C1orf232: variants seen among roughly 807,000 people sequenced by gnomAD.
The protein encoded by C1orf232 is uncharacterized protein C1orf232.
In C1orf232, 10 loss-of-function variants were observed where a neutral mutation model predicts 12.1. The observed-to-expected ratio is 0.82, with a 90% CI of 0.51 to 1.40. The LOEUF (loss-of-function observed/expected upper bound fraction) is 1.40, where lower values mean the gene tolerates loss of function less well. C1orf232 is among the 40% of genes most tolerant of loss of function. C1orf232 has a pLI of 0.00. For missense variants in C1orf232, 88 were observed against 98.4 expected (o/e 0.89, Z 0.45); for synonymous variants, 36 against 39.8 (o/e 0.90, Z 0.36).
At chr1:26,166,664 A>G (rs1267169086) in intron 1 of C1orf232, among the ~76,000 whole-genome samples, 1 of 152,142 alleles carries the variant, frequency 6.6e-6, no homozygotes, top group Non-Finnish European at 1.5e-5. Context: ...ACACATCCAT[A>G]TACACCCAAA....
rs1364142202 is a variant in C1orf232, at chr1:26,168,841, ATCT to A, written c.-345_-343del. Among the ~76,000 whole-genome samples, 5 of 152,258 alleles carry A rather than the reference ATCT, an allele frequency of 3.3e-5. No individual in the cohort carries two copies. The highest frequency in any genetic ancestry group is 4.2e-4 in the South Asian group (2 of 4,818). On this transcript the variant is annotated 5_prime_UTR_variant, in exon 1 of 4. Transcript: ENST00000634842. ...CATCTCTTAGCATGCCTCCAGGAAA[ATCT>A]TCTTCCATTCACAAAATCCTGAGGT...
At chr1:26,166,236 C>T (rs1026080244) in intron 1 of C1orf232, 118 bp from the exon 2 acceptor site, 2 of 565,596 alleles carry the variant, frequency 3.5e-6, no homozygotes, top group African/African-American at 3.9e-5. Flanking sequence ...GAACTAAACA[C>T]ACACCTATAC....
rs1450828425 is a variant in C1orf232 at position 26,164,512 on chromosome 1, G to A, written c.267-57C>T. On this transcript the variant is annotated intron_variant, in intron 3 of 3. Coordinates refer to ENST00000634842, the MANE Select transcript of C1orf232 (RefSeq NM_001364669.2). The surrounding 1 kb of genome is among the most constrained non-coding windows in gnomAD (Gnocchi z 4.2). ...CCGGGCGGTCCCGCGGAGGAACATC[G>A]GCTGGGCTGACGGAGGAGTTTAGTG... 5.4e-6 allele frequency: 2 copies of A among 370,868 alleles called. No individual in the cohort carries two copies. Among genetic ancestry groups the A allele is most frequent in the Non-Finnish European group, 9.6e-6 (2 of 208,240 alleles). The allele number at this position is 370,868 out of a possible 1,614,324, so 23.0% of individuals were successfully genotyped here. A position where few individuals can be genotyped will look rare whatever the true frequency, so the allele number is the denominator to read the frequency against.
chr1:26,165,907 A>G lies in C1orf232; in HGVS notation c.185T>C (p.Val62Ala). The G allele has an allele frequency of 8.1e-7, 1 of 1,231,654 alleles. No individual in the cohort carries two copies. The highest frequency in any genetic ancestry group is 1.0e-6 in the Non-Finnish European group (1 of 987,990). The allele number at this position is 1,231,654 out of a possible 1,614,324, so 76.3% of individuals were successfully genotyped here. Residue 62 changes from valine (V) to alanine (A), a missense_variant, in exon 3 of 4, where the codon GTG (valine) becomes GCG (alanine). Val to Ala is a moderately conservative substitution (Grantham distance 64). Transcript: ENST00000634842. ...QLARRVQGVG[V>A]KGWLTMSSLF... Reference sequence around the variant, plus strand: ...AGATGACATTGTCAGCCAGCCTTTCACCCCGACCCCCTGAACCTGGGAAAG... The same window carrying G: ...AGATGACATTGTCAGCCAGCCTTTCGCCCCGACCCCCTGAACCTGGGAAAG...
At position 26,165,691 on chromosome 1, in the gene C1orf232, G is replaced by T. The variant is rs2088417811; in HGVS notation, c.266+135C>A. ...TGATTTGGCCTGTTTCCTGCTGAGAGAAACAGAAACAGCCTGGGACTGCCC... is the reference window on the plus strand; with the variant it reads ...TGATTTGGCCTGTTTCCTGCTGAGATAAACAGAAACAGCCTGGGACTGCCC... On this transcript the variant is annotated intron_variant, in intron 3 of 3. Coordinates refer to ENST00000634842, the MANE Select transcript of C1orf232 (RefSeq NM_001364669.2). 4 of 1,225,692 alleles carry T rather than the reference G, an allele frequency of 3.3e-6. No homozygotes were observed. In the South Asian group the frequency reaches 1.3e-4, roughly 39 times the overall value. 75.9% of individuals were successfully genotyped at this position (1,225,692 alleles called of 1,614,324 possible). A position where few individuals can be genotyped will look rare whatever the true frequency, so the allele number is the denominator to read the frequency against.
At chr1:26,166,278 G>C (rs2088425122) in intron 1 of C1orf232, among the ~76,000 whole-genome samples, 160 bp from the exon 2 acceptor site, 1 of 152,184 alleles carries the variant, frequency 6.6e-6, no homozygotes, top group Non-Finnish European at 1.5e-5. Flanking sequence ...ACATGGGAAT[G>C]CATACAGGTA....
At position 26,164,775 on chromosome 1, in the gene C1orf232, G is replaced by T. The variant is rs994224553; in HGVS notation, c.267-320C>A. On this transcript the variant is annotated intron_variant, in intron 3 of 3. Coordinates refer to ENST00000634842, the MANE Select transcript of C1orf232 (RefSeq NM_001364669.2). The surrounding 1 kb of genome is among the most constrained non-coding windows in gnomAD (Gnocchi z 4.2). Reference sequence around the variant, plus strand: ...GAGGTCAGGGTTTCAGGCGAGGCTCGAGGAGGGACGCTGGAGGCGTGCGCA... The same window carrying T: ...GAGGTCAGGGTTTCAGGCGAGGCTCTAGGAGGGACGCTGGAGGCGTGCGCA... Among the ~76,000 whole-genome samples, 2 of 152,130 alleles carry T rather than the reference G, an allele frequency of 1.3e-5. No individual in the cohort carries two copies. The highest frequency in any genetic ancestry group is 2.9e-5 in the Non-Finnish European group (2 of 68,026).
At position 26,168,489 on chromosome 1, in the gene C1orf232, G is replaced by A; in HGVS notation, c.11C>T (p.Ala4Val). 1 of 1,231,946 alleles carries A rather than the reference G, an allele frequency of 8.1e-7. No homozygotes were observed. Among genetic ancestry groups the A allele is most frequent in the Non-Finnish European group, 1.0e-6 (1 of 988,126 alleles). 76.3% of individuals were successfully genotyped at this position (1,231,946 alleles called of 1,614,324 possible). A position where few individuals can be genotyped will look rare whatever the true frequency, so the allele number is the denominator to read the frequency against. The part of the protein sequence containing the change: MNQ[A>V]FWKTYKSKVL... ...TTTGGACTTGTAGGTTTTCCAGAAG[G>A]CCTGGTTCATGGCTGCAGGGGGAAG... The change falls in exon 1 of 4, where the codon GCC (alanine) becomes GTC (valine). Residue 4 changes from alanine to valine, a missense_variant. Physicochemically the swap from Ala to Val is moderately conservative, Grantham distance 64. Transcript: ENST00000634842.
At chr1:26,165,795 C>T (rs960730378) in intron 3 of C1orf232, 31 bp downstream of exon 3, 1 of 1,231,902 alleles carries the variant, frequency 8.1e-7, no homozygotes, top group Non-Finnish European at 1.0e-6. Context: ...CAGGCCCCTT[C>T]CAGAACCACC....
rs1324774476 is a variant in C1orf232 at position 26,167,420 on chromosome 1, G to A, written c.84+996C>T. ...ACCCAGGCTGGTCTCGAAATCCTGG[G>A]CTCAAGTGATCCTCCTGCCTCAGCC... On this transcript the variant is annotated intron_variant, in intron 1 of 3. Coordinates refer to ENST00000634842, the MANE Select transcript of C1orf232 (RefSeq NM_001364669.2). Among the ~76,000 whole-genome samples the A allele has an allele frequency of 2.6e-5, 4 of 151,978 alleles. No individual in the cohort carries two copies. In the South Asian group the frequency reaches 6.2e-4, roughly 24 times the overall value.
intron 1 of C1orf232, among the ~76,000 whole-genome samples, chr1:26,166,950 C>T (rs1470696746): frequency 6.6e-6 from 1 of 152,204 alleles, no homozygotes; most frequent in African/African-American, 2.4e-5. Context: ...TACACAGAGG[C>T]ATGCAGGCAG....
In C1orf232 at chr1:26,168,882, C is replaced by T. The variant is rs114742841; in HGVS notation, c.-383G>A. Among the ~76,000 whole-genome samples the T allele has an allele frequency of 0.011, 1,632 of 152,340 alleles. 40 individuals carry two copies. Among genetic ancestry groups the T allele is most frequent in the African/African-American group, 0.038 (1,562 of 41,578 alleles). ...AAAATCCTGAGGTCTGGGACCCACACTGGAGCCCCTGTGACTGTAGTCATA... is the reference window on the plus strand; with the variant it reads ...AAAATCCTGAGGTCTGGGACCCACATTGGAGCCCCTGTGACTGTAGTCATA... On this transcript the variant is annotated 5_prime_UTR_variant, in exon 1 of 4. The change creates a new upstream start codon in the 5' untranslated region. Coordinates refer to ENST00000634842, the MANE Select transcript of C1orf232 (RefSeq NM_001364669.2).
chr1:26,165,704 C>T (rs1022510439), intron 3 of C1orf232, 122 bp downstream of exon 3: 2 of 1,230,310 alleles, frequency 1.6e-6, no homozygotes, highest in Non-Finnish European at 2.0e-6. Flanking sequence ...ACAGAAACAG[C>T]CTGGGACTGC....
chr1:26,166,830 T>C (rs1471751668), intron 1 of C1orf232, among the ~76,000 whole-genome samples: 1 of 152,166 alleles, frequency 6.6e-6, no homozygotes, highest in Non-Finnish European at 1.5e-5. Context: ...CCTGTGCACT[T>C]ATACAACCAC....
rs1423813081 is a variant in C1orf232, at chr1:26,168,962, C to A, written c.-463G>T. 1.3e-5 allele frequency among the ~76,000 whole-genome samples: 2 copies of A among 152,222 alleles called. No homozygotes were observed. Among genetic ancestry groups the A allele is most frequent in the Admixed American group, 6.5e-5 (1 of 15,284 alleles). ...TGTGTCCCTACTTAGCCTCAATGAA[C>A]TGGAGCAGGAAGGTCCGCAGGCCCC... On this transcript the variant is annotated 5_prime_UTR_variant, in exon 1 of 4. Transcript: ENST00000634842.
chr1:26,167,173 C>CAA (rs2088435933), intron 1 of C1orf232, among the ~76,000 whole-genome samples: 1 of 152,176 alleles, frequency 6.6e-6, no homozygotes, highest in Admixed American at 6.5e-5. Flanking sequence ...TGCCACTTAT[C>CAA]ACAGCCTCCA....
intron 1 of C1orf232, 104 bp from the exon 2 acceptor site, chr1:26,166,222 C>T: frequency 1.3e-6 from 1 of 778,688 alleles, no homozygotes; most frequent in Non-Finnish European, 1.7e-6. Context: ...CCCCAAATCC[C>T]ACAGAACTAA....
At chr1:26,166,628 T>G (rs2088430234) in intron 1 of C1orf232, among the ~76,000 whole-genome samples, 1 of 152,148 alleles carries the variant, frequency 6.6e-6, no homozygotes, top group South Asian at 2.1e-4. Flanking sequence ...CAGACACCCT[T>G]GAGCACACAT....
chr1:26,166,662 A>G (rs989653371), intron 1 of C1orf232, among the ~76,000 whole-genome samples: 2 of 152,292 alleles, frequency 1.3e-5, no homozygotes, highest in South Asian at 2.1e-4. Flanking sequence ...AGACACATCC[A>G]TATACACCCA....
Sources: allele counts gnomAD v4.1 joint callset (sites outside exome capture counted in the v4.1 genomes callset), GRCh38; gene constraint gnomAD v4.1.1; non-coding constraint Gnocchi (gnomAD v3.1); transcripts MANE v1.5; gene names NCBI Gene and HGNC (gene_info 2026-07-23, HGNC 2026-07-21).